PCNT: variants seen among roughly 807,000 people sequenced by gnomAD.
PCNT encodes kendrin.
PCNT carries 319 observed loss-of-function variants against 380.4 expected under a neutral mutation model. The observed-to-expected ratio is 0.84, with a 90% CI of 0.77 to 0.92. PCNT has a LOEUF of 0.92. Among genes scored for constraint, PCNT ranks in the 40% least tolerant of loss-of-function variants. PCNT has a pLI of 0.00. For missense variants in PCNT, 4,400 were observed against 4,255.3 expected (o/e 1.03, Z -0.95); for synonymous variants, 1,845 against 1,735.2 (o/e 1.06, Z -1.57).
In PCNT at chr21:46,425,731, C is replaced by G; in HGVS notation, c.7180-100C>G. 6.4e-7 allele frequency: 1 copy of G among 1,558,986 alleles called. No individual in the cohort carries two copies. The highest frequency in any genetic ancestry group is 1.4e-5 in the African/African-American group (1 of 73,886). ...CCCTCCCTCTCCACAGCTGCCCGCC[C>G]TTCACAGAGTCCTGGCGGCAGCTCG... On this transcript the variant is annotated intron_variant, in intron 32 of 46. Coordinates refer to ENST00000359568, the MANE Select transcript of PCNT (RefSeq NM_006031.6). This position sits in a 1 kb window ranked among gnomAD's most constrained non-coding sequence, Gnocchi z 4.2.
chr21:46,378,712 A>C (rs762298036), intron 15 of PCNT, among the ~76,000 whole-genome samples: 1 of 152,178 alleles, frequency 6.6e-6, no homozygotes, highest in Non-Finnish European at 1.5e-5. Context: ...ATATTGAGTT[A>C]TTTTCTTAGC....
At chr21:46,332,712 G>T (rs1322284466) in intron 2 of PCNT, among the ~76,000 whole-genome samples, 1 of 152,168 alleles carries the variant, frequency 6.6e-6, no homozygotes, top group Non-Finnish European at 1.5e-5. Flanking sequence ...CTCTCTCTCT[G>T]CATTCATCTT....
intron 38 of PCNT, among the ~76,000 whole-genome samples, chr21:46,435,519 C>G (rs766878593): frequency 2.6e-5 from 4 of 150,976 alleles, no homozygotes; most frequent in Admixed American, 2.0e-4. Flanking sequence ...AGCCACCACA[C>G]CCTGCTGGCA....
In PCNT at chr21:46,381,029, T is replaced by G. The variant is rs868591338; in HGVS notation, c.3166-665T>G. Among the ~76,000 whole-genome samples the G allele has an allele frequency of 9.9e-4, 151 of 151,878 alleles. 2 individuals are homozygous for G. Among genetic ancestry groups the G allele is most frequent in the African/African-American group, 3.4e-3 (140 of 41,414 alleles). ...CTACTAAAAGAAAAATTACAAAAAT[T>G]AGTTGAGTGTGGTGGCAGGCGCCTA... On this transcript the variant is annotated intron_variant, in intron 15 of 46. Transcript: ENST00000359568.
intron 2 of PCNT, 115 bp downstream of exon 2, chr21:46,326,704 G>A (rs376984144): frequency 1.8e-5 from 21 of 1,151,496 alleles, no homozygotes; most frequent in Non-Finnish European, 2.4e-5. Context: ...GAGGAAAGAG[G>A]GTGTTATTTT....
At chr21:46,327,980 T>C (rs1434546317) in intron 2 of PCNT, among the ~76,000 whole-genome samples, 1 of 152,198 alleles carries the variant, frequency 6.6e-6, no homozygotes, top group Non-Finnish European at 1.5e-5. Flanking sequence ...GGAGGCGGGC[T>C]GTCCTTGGGC....
At chr21:46,369,434 G>T (rs1175917589) in intron 15 of PCNT, among the ~76,000 whole-genome samples, 1 of 152,170 alleles carries the variant, frequency 6.6e-6, no homozygotes, top group Non-Finnish European at 1.5e-5. Flanking sequence ...AATTAGACAG[G>T]GGTCTGATGC....
rs147722409 is a variant in PCNT, at chr21:46,372,586, T to G, written c.3165+5447T>G. Reference sequence around the variant, plus strand: ...TATTTGAAGCATTATGTGCAAATTTTAGGTGATTATGGTACATATGGTTTC... The same window carrying G: ...TATTTGAAGCATTATGTGCAAATTTGAGGTGATTATGGTACATATGGTTTC... On this transcript the variant is annotated intron_variant, in intron 15 of 46. Coordinates refer to ENST00000359568, the MANE Select transcript of PCNT (RefSeq NM_006031.6). Among the ~76,000 whole-genome samples the G allele has an allele frequency of 1.1e-4, 16 of 152,314 alleles. No homozygotes were observed. In the East Asian group the frequency reaches 2.9e-3, roughly 28 times the overall value.
chr21:46,371,904 G>A (rs1281944160), intron 15 of PCNT, among the ~76,000 whole-genome samples: 1 of 146,328 alleles, frequency 6.8e-6, no homozygotes, highest in Non-Finnish European at 1.5e-5. Context: ...CACATACACA[G>A]CACATGTGCG....
In PCNT at chr21:46,430,468, GC is replaced by G; in HGVS notation, c.7914-36del. On this transcript the variant is annotated intron_variant, in intron 36 of 46. Coordinates refer to ENST00000359568, the MANE Select transcript of PCNT (RefSeq NM_006031.6). The stretch of plus-strand genomic sequence containing the variant: ...TCCCAGCCCCCGGGAACACACTCTG[GC>G]CCACGTGGTCAGATTGTTCTGCGAT... 3.2e-6 allele frequency: 5 copies of G among 1,548,608 alleles called. 1 individual carries two copies. Among genetic ancestry groups the G allele is most frequent in the Non-Finnish European group, 4.4e-6 (5 of 1,146,404 alleles).
chr21:46,425,949 C>T lies in PCNT; in HGVS notation c.7298C>T (p.Ser2433Leu), dbSNP rs769852846. Residue 2433 changes from serine (S) to leucine (L), a missense_variant, in exon 33 of 47, where the codon TCG becomes TTG. By Grantham distance (145) the Ser-to-Leu change is moderately radical. Transcript: ENST00000359568. The surrounding 1 kb of genome is among the most constrained non-coding windows in gnomAD (Gnocchi z 4.2). ...AAGGAAGACGAGATACAGGACATCT[C>T]GCTCCATGGGGGAAAGACGCAGGTT... ...PRKEDEIQDISLHGGKTQEVP... is the reference protein window; with the variant it reads ...PRKEDEIQDILLHGGKTQEVP... The T allele has an allele frequency of 2.0e-5, 32 of 1,614,072 alleles. No individual in the cohort carries two copies. The highest frequency in any genetic ancestry group is 1.6e-4 in the Middle Eastern group (1 of 6,062).
intron 44 of PCNT, chr21:46,442,919 C>T: frequency 2.9e-6 from 1 of 344,994 alleles, no homozygotes; most frequent in Non-Finnish European, 5.5e-6. Flanking sequence ...GAGCATCATG[C>T]TTATTTCTGG....
intron 15 of PCNT, among the ~76,000 whole-genome samples, chr21:46,376,913 A>T (rs2085347522): frequency 6.6e-6 from 1 of 152,228 alleles, no homozygotes; most frequent in South Asian, 2.1e-4. Flanking sequence ...CTGTACTCAC[A>T]TTCCAAATGG....
intron 15 of PCNT, among the ~76,000 whole-genome samples, chr21:46,378,419 T>C (rs1304606222): frequency 6.6e-6 from 1 of 152,204 alleles, no homozygotes; most frequent in East Asian, 1.9e-4. Flanking sequence ...GGGGCCGTTA[T>C]TAAATGAAGT....
chr21:46,396,083 C>T (rs1250733230), intron 21 of PCNT, among the ~76,000 whole-genome samples: 1 of 152,226 alleles, frequency 6.6e-6, no homozygotes, highest in East Asian at 1.9e-4. Flanking sequence ...AGCAGAGACT[C>T]CATCTCAGAA....
intron 3 of PCNT, 74 bp downstream of exon 3, chr21:46,334,842 TGAGA>T: frequency 6.2e-7 from 1 of 1,607,558 alleles, no homozygotes; most frequent in Non-Finnish European, 8.5e-7. Flanking sequence ...TCCAAACCAG[TGAGA>T]GGACCTTCCA....
At position 46,353,256 on chromosome 21, in the gene PCNT, G is replaced by C. The variant is rs1185320906; in HGVS notation, c.1609G>C (p.Asp537His). 1.9e-6 allele frequency: 3 copies of C among 1,614,170 alleles called. No homozygotes were observed. The highest frequency in any genetic ancestry group is 1.7e-5 in the Admixed American group (1 of 60,024). The change falls in exon 10 of 47, where the codon GAC (aspartate) becomes CAC (histidine). Residue 537 changes from aspartate to histidine, a missense_variant. Coordinates refer to ENST00000359568, the MANE Select transcript of PCNT (RefSeq NM_006031.6). Reference sequence around the variant, plus strand: ...GGATGCTGAGAAAACTTACCAAGAAGACCTAACCCTGTTACAGCAGAGGCT... The same window carrying C: ...GGATGCTGAGAAAACTTACCAAGAACACCTAACCCTGTTACAGCAGAGGCT... ...LRDAEKTYQE[D>H]LTLLQQRLQG...
chr21:46,429,226 T>C (rs1174912957), intron 35 of PCNT, among the ~76,000 whole-genome samples: 1 of 151,440 alleles, frequency 6.6e-6, no homozygotes, highest in Non-Finnish European at 1.5e-5. Context: ...GCCGGCGCTG[T>C]GCACATGCTC....
At chr21:46,395,630 A>T (rs2086183472) in intron 21 of PCNT, among the ~76,000 whole-genome samples, 2 of 151,432 alleles carry the variant, frequency 1.3e-5, no homozygotes. Context: ...TCAGCAACAG[A>T]GACTCCATCT....
Sources: gnomAD v4.1 joint callset for allele counts (sites outside exome capture counted in the v4.1 genomes callset) on GRCh38, gnomAD v4.1.1 for gene constraint, Gnocchi (gnomAD v3.1) non-coding constraint, MANE v1.5 for transcripts, NCBI Gene and HGNC (gene_info 2026-07-23, HGNC 2026-07-21) for gene names.